The following NAV2 variants were observed in gnomAD, a reference collection of about 807,000 sequenced individuals.
The protein encoded by NAV2 is helicase, APC down-regulated 1.
NAV2 carries 54 observed loss-of-function variants against 223.2 expected under a neutral mutation model. That is an observed-to-expected ratio of 0.24 (90% CI 0.19 to 0.30). The LOEUF (loss-of-function observed/expected upper bound fraction) is 0.30, where lower values mean the gene tolerates loss of function less well. Ranked by LOEUF, NAV2 falls within the 10% of genes least tolerant of loss-of-function variation. NAV2 has a pLI of 1.00. For missense variants in NAV2, 2,806 were observed against 3,147.5 expected, an observed-to-expected ratio of 0.89 and a Z score of 2.60; for synonymous variants, 1,279 against 1,239.3, an observed-to-expected ratio of 1.03 and a Z score of -0.67.
intron 1 of NAV2, among the ~76,000 whole-genome samples, chr11:19,454,005 T>G (rs957528686): frequency 1.3e-5 from 2 of 152,192 alleles, no homozygotes; most frequent in Non-Finnish European, 2.9e-5. Flanking sequence ...CACCATCCGC[T>G]GCCACCGCCT....
At chr11:19,603,735 A>T (rs1322044247) in intron 1 of NAV2, among the ~76,000 whole-genome samples, 1 of 152,072 alleles carries the variant, frequency 6.6e-6, no homozygotes, top group South Asian at 2.1e-4. Flanking sequence ...GGGAGAGAGG[A>T]AAAAAAGCAG....
chr11:19,704,871 C>T (rs923491021), intron 1 of NAV2, among the ~76,000 whole-genome samples: 2 of 151,676 alleles, frequency 1.3e-5, no homozygotes, highest in African/African-American at 2.4e-5. Context: ...ATTAGCCGGG[C>T]GTCGTGGCGG....
chr11:19,770,148 A>C (rs986235384), intron 1 of NAV2, among the ~76,000 whole-genome samples: 12 of 152,226 alleles, frequency 7.9e-5, no homozygotes, highest in African/African-American at 2.9e-4. Flanking sequence ...CAAAACCAGA[A>C]CAGAGGGCAA....
chr11:19,915,285 G>A (rs77563992), intron 6 of NAV2, among the ~76,000 whole-genome samples: 5,037 of 152,270 alleles, frequency 0.033, 154 homozygotes, highest in South Asian at 0.06. Context: ...TCTCATTTTC[G>A]TAAAGGGAAA....
At chr11:19,710,427 T>C (rs182423848), upstream of NAV2, among the ~76,000 whole-genome samples, 62 of 152,374 alleles carry the variant, frequency 4.1e-4, no homozygotes, top group East Asian at 0.011. Context: ...GTTTAAGAAG[T>C]TCTGGAGATG....
chr11:20,020,978 G>C (rs1387409756), intron 11 of NAV2, among the ~76,000 whole-genome samples: 1 of 152,038 alleles, frequency 6.6e-6, no homozygotes, highest in Non-Finnish European at 1.5e-5. Context: ...TTCCTCTCTT[G>C]AAAGTCCCTT....
At position 19,677,547 on chromosome 11, in the gene NAV2, T is replaced by C. The variant is rs568764649; in HGVS notation, c.76-154937T>C. Among the ~76,000 whole-genome samples, 9 of 152,364 alleles carry C rather than the reference T, an allele frequency of 5.9e-5. No individual in the cohort carries two copies. In the East Asian group the frequency reaches 9.6e-4, roughly 16 times the overall value. ...ACACAGCTTGTCAGTCATAGACTTA[T>C]TGCATTTTCAAGACAGAATGACTCC... On this transcript the variant is annotated intron_variant, in intron 1 of 37. Transcript: ENST00000360655.
intron 10 of NAV2, among the ~76,000 whole-genome samples, chr11:19,956,567 G>A (rs775590898): frequency 6.6e-6 from 1 of 152,124 alleles, no homozygotes; most frequent in African/African-American, 2.4e-5. Context: ...TATTTACTGT[G>A]GCTGGTGTGT....
At chr11:19,623,787 G>A (rs534977132) in intron 1 of NAV2, among the ~76,000 whole-genome samples, 3 of 152,194 alleles carry the variant, frequency 2.0e-5, no homozygotes, top group Non-Finnish European at 4.4e-5. Context: ...TCTCTGTCCA[G>A]CTTTATTCCA....
chr11:20,061,913 A>G (rs1187850258), intron 19 of NAV2, among the ~76,000 whole-genome samples: 1 of 152,192 alleles, frequency 6.6e-6, no homozygotes, highest in African/African-American at 2.4e-5. Context: ...AATACATTAG[A>G]AAAAAGAGTG....
intron 1 of NAV2, among the ~76,000 whole-genome samples, chr11:19,603,062 T>C (rs1461604841): frequency 6.6e-6 from 1 of 152,194 alleles, no homozygotes; most frequent in African/African-American, 2.4e-5. Flanking sequence ...GAGGGTTCAC[T>C]GATGGCAACA....
chr11:19,995,523 A>C lies in NAV2; in HGVS notation c.2768+11276A>C, dbSNP rs532152421. 2.4e-4 allele frequency among the ~76,000 whole-genome samples: 37 copies of C among 152,254 alleles called. 1 individual carries two copies. The highest frequency in any genetic ancestry group is 8.2e-4 in the African/African-American group (34 of 41,578). On this transcript the variant is annotated intron_variant, in intron 11 of 37. Coordinates refer to ENST00000349880, the MANE Select transcript of NAV2 (RefSeq NM_145117.5). Reference sequence around the variant, plus strand: ...AAAGCTAAGCCTAGGGTAAGCTGTAATGCACTTCGAGGTGTTTGAGAGAGG... The same window carrying C: ...AAAGCTAAGCCTAGGGTAAGCTGTACTGCACTTCGAGGTGTTTGAGAGAGG...
upstream of NAV2, among the ~76,000 whole-genome samples, chr11:19,346,555 G>A (rs1853021397): frequency 6.6e-6 from 1 of 152,250 alleles, no homozygotes; most frequent in Non-Finnish European, 1.5e-5. Flanking sequence ...AGGCGGCGGC[G>A]GTGGCAGCCC....
chr11:19,793,755 A>G (rs1223076244), intron 1 of NAV2, among the ~76,000 whole-genome samples: 1 of 152,228 alleles, frequency 6.6e-6, no homozygotes, highest in Non-Finnish European at 1.5e-5. Flanking sequence ...CCTGGCCTGG[A>G]GTGCCCTGTA....
At chr11:19,963,865 A>G (rs1469907383) in intron 10 of NAV2, among the ~76,000 whole-genome samples, 3 of 152,204 alleles carry the variant, frequency 2.0e-5, no homozygotes, top group African/African-American at 4.8e-5. Flanking sequence ...AATTCTGCAC[A>G]GTGATTTACC....
intron 26 of NAV2, among the ~76,000 whole-genome samples, chr11:20,085,154 G>A (rs942413160): frequency 3.5e-4 from 52 of 150,426 alleles, no homozygotes; most frequent in African/African-American, 1.2e-3. Flanking sequence ...TGATCACCCT[G>A]TACTCCAGCC....
chr11:20,097,615 G>A lies in NAV2; in HGVS notation c.6051G>A (p.Gly2017=), dbSNP rs958953303. 3 of 1,612,030 alleles carry A rather than the reference G, an allele frequency of 1.9e-6. No homozygotes were observed. In the East Asian group the frequency reaches 6.7e-5, roughly 36 times the overall value. ...IIHVDPVSQL[G]LNSDSVLGYS... ...ATGTCGACCCAGTGAGTCAGCTAGG[G>A]CTGAATTCAGACAGCGTTCTTGGCT... The change falls in exon 31 of 38, where the codon GGG becomes GGA. Residue 2017 remains glycine (G), a synonymous_variant. Transcript: ENST00000349880.
intron 4 of NAV2, among the ~76,000 whole-genome samples, chr11:19,877,835 C>T (rs749178740): frequency 7.2e-5 from 11 of 152,108 alleles, no homozygotes; most frequent in Non-Finnish European, 1.2e-4. Context: ...AGATATGTCA[C>T]TTCACCTTGT....
chr11:19,830,399 G>A (rs1565390521), intron 1 of NAV2, among the ~76,000 whole-genome samples: 1 of 152,220 alleles, frequency 6.6e-6, no homozygotes, highest in Non-Finnish European at 1.5e-5. Flanking sequence ...AAATAGGTTA[G>A]TCTGGGCTCA....
Sources: allele counts gnomAD v4.1 joint callset (sites outside exome capture counted in the v4.1 genomes callset), GRCh38; gene constraint gnomAD v4.1.1; transcripts MANE v1.5; gene names NCBI Gene and HGNC (gene_info 2026-07-23, HGNC 2026-07-21).